Variants in SMYD3 observed in about 807,000 individuals in gnomAD.
The protein encoded by SMYD3 is SET and MYND domain containing 3, also known as histone-lysine N-methyltransferase SMYD3.
Under a neutral mutation model 57.7 loss-of-function variants are expected in SMYD3, and 36 were observed. The observed-to-expected ratio is 0.62, with a 90% CI of 0.48 to 0.82. The LOEUF is 0.82. Ranked by LOEUF, SMYD3 falls within the 40% of genes least tolerant of loss-of-function variation. The probability of loss-of-function intolerance (pLI) is 0.00; values close to 1 mark genes in which losing one functional copy is unlikely to be tolerated. For synonymous variants in SMYD3, 211 were observed against 195.0 expected (o/e 1.08, Z -0.68); for missense variants, 515 against 538.8 (o/e 0.96, Z 0.44).
At chr1:245,971,853 C>T (rs1329889774) in intron 5 of SMYD3, among the ~76,000 whole-genome samples, 1 of 152,202 alleles carries the variant, frequency 6.6e-6, no homozygotes, top group African/African-American at 2.4e-5. Flanking sequence ...TCCTGCCTTA[C>T]AGTTGAGGAA....
At chr1:246,393,838 G>C (rs1448557948) in intron 1 of SMYD3, among the ~76,000 whole-genome samples, 3 of 152,084 alleles carry the variant, frequency 2.0e-5, no homozygotes, top group African/African-American at 4.8e-5. Context: ...CTGTGCAAGA[G>C]AGCAAGACCC....
chr1:246,181,604 T>C (rs12119107), intron 5 of SMYD3, among the ~76,000 whole-genome samples: 10,746 of 152,294 alleles, frequency 0.071, 548 homozygotes, highest in African/African-American at 0.13. Context: ...GAATACCCCA[T>C]AGGTATGTGA....
At chr1:245,869,962 C>T (rs1186144173) in intron 8 of SMYD3, among the ~76,000 whole-genome samples, 1 of 152,238 alleles carries the variant, frequency 6.6e-6, no homozygotes, top group Non-Finnish European at 1.5e-5. Context: ...CTCTGCACAG[C>T]CCCTAGCCCT....
At chr1:245,864,840 A>G (rs1020462188) in intron 8 of SMYD3, among the ~76,000 whole-genome samples, 4 of 152,250 alleles carry the variant, frequency 2.6e-5, no homozygotes, top group African/African-American at 9.6e-5. Context: ...TAGGAGACCT[A>G]CAGCTAAAAC....
Position 246,084,268 on chromosome 1 carries a change from T to C in SMYD3, c.532-154331A>G, listed in dbSNP as rs373064799. Among the ~76,000 whole-genome samples, 81 of 151,232 alleles carry C rather than the reference T, an allele frequency of 5.4e-4. 2 individuals carry two copies. The highest frequency in any genetic ancestry group is 1.7e-3 in the African/African-American group (71 of 41,032). The stretch of plus-strand genomic sequence containing the variant: ...TCTGTCACCCAGGCTGAGGCTACAG[T>C]GCAGTGGCATGATCACAGCCCACTG... On this transcript the variant is annotated intron_variant, in intron 5 of 11. Transcript: ENST00000490107.
chr1:246,176,278 C>T (rs1234653665), intron 5 of SMYD3, among the ~76,000 whole-genome samples: 1 of 152,154 alleles, frequency 6.6e-6, no homozygotes, highest in East Asian at 1.9e-4. Context: ...CCCATAAGTA[C>T]CAGTGGATCC....
chr1:246,067,364 T>G (rs2060360619), intron 5 of SMYD3, among the ~76,000 whole-genome samples: 1 of 152,192 alleles, frequency 6.6e-6, no homozygotes, highest in African/African-American at 2.4e-5. Context: ...AAGCATTCTC[T>G]CATCCACTCA....
At chr1:245,795,346 G>A (rs1472884411) in intron 10 of SMYD3, among the ~76,000 whole-genome samples, 2 of 152,130 alleles carry the variant, frequency 1.3e-5, no homozygotes, top group African/African-American at 4.8e-5. Context: ...TAGTGAGGAT[G>A]TCCTCTCTCA....
intron 1 of SMYD3, among the ~76,000 whole-genome samples, chr1:246,356,612 A>C (rs983087745): frequency 1.3e-5 from 2 of 152,238 alleles, no homozygotes; most frequent in Non-Finnish European, 2.9e-5. Flanking sequence ...CACAACTTCT[A>C]GAAATCAAAG....
chr1:246,443,563 A>G (rs1011791073), intron 1 of SMYD3, among the ~76,000 whole-genome samples: 2 of 152,222 alleles, frequency 1.3e-5, no homozygotes, highest in Non-Finnish European at 2.9e-5. Flanking sequence ...TTTCCCATAC[A>G]AATAGAGATG....
rs1421736665 is a variant in SMYD3, at chr1:246,112,010, T to C, written c.532-182073A>G. Among the ~76,000 whole-genome samples the C allele has an allele frequency of 2.0e-5, 3 of 152,214 alleles. No individual in the cohort carries two copies. The East Asian group carries it at 5.8e-4, about 29-fold the overall frequency. ...GGGATGATTATCCTGGATAGATGCA[T>C]ACCCCCTACAAACATGAAACTGGCA... On this transcript the variant is annotated intron_variant, in intron 5 of 11. Transcript: ENST00000490107.
intron 5 of SMYD3, among the ~76,000 whole-genome samples, chr1:246,234,831 A>G (rs2063488663): frequency 6.6e-6 from 1 of 152,192 alleles, no homozygotes; most frequent in African/African-American, 2.4e-5. Context: ...TGGAACTAGA[A>G]TTATATATTA....
At chr1:246,143,789 G>A (rs1319202353) in intron 5 of SMYD3, among the ~76,000 whole-genome samples, 2 of 152,250 alleles carry the variant, frequency 1.3e-5, no homozygotes, top group Non-Finnish European at 2.9e-5. Flanking sequence ...TATGCTTCTG[G>A]ATCCTCCCAT....
In SMYD3 at chr1:246,213,329, G is replaced by A. The variant is rs573568858; in HGVS notation, c.531+113872C>T. Among the ~76,000 whole-genome samples, 8 of 152,260 alleles carry A rather than the reference G, an allele frequency of 5.3e-5. 1 individual carries two copies. Among genetic ancestry groups the A allele is most frequent in the African/African-American group, 1.9e-4 (8 of 41,516 alleles). ...ACCTGCATTATCAAAGGAGGAAACT[G>A]AAGATTTGGAATGGTGAAGTACATT... is the stretch of plus-strand genomic sequence containing the variant. On this transcript the variant is annotated intron_variant, in intron 5 of 11. Transcript: ENST00000490107.
chr1:246,179,531 G>C (rs766637824), intron 5 of SMYD3, among the ~76,000 whole-genome samples: 1 of 152,110 alleles, frequency 6.6e-6, no homozygotes, highest in Non-Finnish European at 1.5e-5. Flanking sequence ...CATCATCCAG[G>C]AATGTTTCTT....
chr1:245,872,429 CCTG>C (rs200635957), intron 8 of SMYD3, among the ~76,000 whole-genome samples: 28 of 92,212 alleles, frequency 3.0e-4, no homozygotes, highest in South Asian at 1.6e-3. Context: ...GCCCAGAGTT[CCTG>C]CCGCCTTCTC....
chr1:245,892,893 A>C (rs2053481655), intron 8 of SMYD3, among the ~76,000 whole-genome samples: 1 of 152,200 alleles, frequency 6.6e-6, no homozygotes, highest in Non-Finnish European at 1.5e-5. Context: ...AACTATTTCA[A>C]AATTTAAAAC....
chr1:246,241,000 A>G (rs2063598530), intron 5 of SMYD3, among the ~76,000 whole-genome samples: 3 of 152,096 alleles, frequency 2.0e-5, no homozygotes, highest in South Asian at 4.1e-4. Flanking sequence ...GACTGAGACA[A>G]TGGGGTTTTC....
rs577205211 is a variant in SMYD3, at chr1:245,943,642, G to A, written c.532-13705C>T. Among the ~76,000 whole-genome samples the A allele has an allele frequency of 1.5e-4, 23 of 152,200 alleles. No individual in the cohort carries two copies. In the South Asian group the frequency reaches 1.9e-3, roughly 12 times the overall value. On this transcript the variant is annotated intron_variant, in intron 5 of 11. Transcript: ENST00000490107. Reference sequence around the variant, plus strand: ...CGCTAACTTATTTTATGAGGCCAGCGTCATCCTGACACCAAAACCTGGCAG... The same window carrying A: ...CGCTAACTTATTTTATGAGGCCAGCATCATCCTGACACCAAAACCTGGCAG...
Sources: allele counts gnomAD v4.1 joint callset (sites outside exome capture counted in the v4.1 genomes callset), GRCh38; gene constraint gnomAD v4.1.1; transcripts MANE v1.5; gene names NCBI Gene and HGNC (gene_info 2026-07-23, HGNC 2026-07-21).